Variants in ITK observed in about 807,000 individuals in gnomAD.
The protein encoded by ITK is IL2 inducible T cell kinase.
In ITK, 45 loss-of-function variants were observed where a neutral mutation model predicts 87.6. The ratio of observed to expected loss-of-function variants is 0.51; its 90% CI spans 0.40 to 0.66. The LOEUF is 0.66. Among genes scored for constraint, ITK ranks in the 30% least tolerant of loss-of-function variants. The pLI is 0.00. For missense variants in ITK, 605 were observed against 766.3 expected (o/e 0.79, Z 2.48); for synonymous variants, 303 against 273.6 (o/e 1.11, Z -1.06).
intron 7 of ITK, among the ~76,000 whole-genome samples, chr5:157,231,736 A>G (rs1754658902): frequency 6.6e-6 from 1 of 152,222 alleles, no homozygotes; most frequent in Non-Finnish European, 1.5e-5. Context: ...AAAATCATTT[A>G]TATTCTTCTT....
intron 1 of ITK, among the ~76,000 whole-genome samples, chr5:157,191,601 C>T (rs138167901): frequency 6.6e-6 from 1 of 152,292 alleles, no homozygotes; most frequent in Non-Finnish European, 1.5e-5. Context: ...TAATGCATGA[C>T]AATTTTATAT....
intron 15 of ITK, among the ~76,000 whole-genome samples, chr5:157,247,527 G>A (rs946278675): frequency 3.3e-5 from 5 of 152,194 alleles, no homozygotes; most frequent in African/African-American, 4.8e-5. Flanking sequence ...CTCTGAATGG[G>A]GTTTATTCAG....
At position 157,253,054 on chromosome 5, in the gene ITK, T is replaced by C. The variant is rs911822500; in HGVS notation, c.*376T>C. ...GCTATTTTTATTGTTATTTTTAACA[T>C]GAATCTAAAGTTTATGGTTCCAGGG... On this transcript the variant is annotated 3_prime_UTR_variant, in exon 17 of 17. Coordinates refer to ENST00000422843, the MANE Select transcript of ITK (RefSeq NM_005546.4). 1.3e-5 allele frequency: 5 copies of C among 380,934 alleles called. No homozygotes were observed. The highest frequency in any genetic ancestry group is 2.5e-5 in the Non-Finnish European group (5 of 200,956). 23.6% of individuals were successfully genotyped at this position (380,934 alleles called of 1,614,324 possible). A position where few individuals can be genotyped will look rare whatever the true frequency, so the allele number is the denominator to read the frequency against.
At chr5:157,227,668 CT>C (rs1274985851) in intron 6 of ITK, among the ~76,000 whole-genome samples, 1 of 151,970 alleles carries the variant, frequency 6.6e-6, no homozygotes, top group Non-Finnish European at 1.5e-5. Flanking sequence ...GAATATTAAT[CT>C]TTTTTTCCAG....
At chr5:157,182,486 G>T (rs150628892) in intron 1 of ITK, among the ~76,000 whole-genome samples, 4 of 152,198 alleles carry the variant, frequency 2.6e-5, no homozygotes, top group African/African-American at 9.6e-5. Context: ...GAAGTGAAAA[G>T]AATTGCTTGT....
intron 8 of ITK, among the ~76,000 whole-genome samples, chr5:157,233,963 A>ATTTT (rs869230073): frequency 1.8e-4 from 4 of 22,294 alleles, no homozygotes; most frequent in Non-Finnish European, 2.4e-4. Flanking sequence ...ATATATATAT[A>ATTTT]TTTTTTTTTT....
intron 11 of ITK, among the ~76,000 whole-genome samples, chr5:157,242,955 C>A (rs968481860): frequency 6.6e-6 from 1 of 152,216 alleles, no homozygotes; most frequent in Non-Finnish European, 1.5e-5. Context: ...AGGTACCAGA[C>A]CAAGCACTGG....
chr5:157,243,894 G>C (rs1324030084), intron 12 of ITK, 100 bp downstream of exon 12: 30 of 1,122,290 alleles, frequency 2.7e-5, no homozygotes, highest in Non-Finnish European at 3.9e-5. Flanking sequence ...ATCTCCCTGC[G>C]CAAACTCCCA....
intron 1 of ITK, among the ~76,000 whole-genome samples, chr5:157,202,081 TG>T (rs1301636762): frequency 6.6e-6 from 1 of 152,222 alleles, no homozygotes; most frequent in Non-Finnish European, 1.5e-5. Flanking sequence ...ATGCAGCATT[TG>T]GTTTTTAGTT....
intron 1 of ITK, among the ~76,000 whole-genome samples, chr5:157,184,371 C>T (rs1753600482): frequency 6.6e-6 from 1 of 152,150 alleles, no homozygotes; most frequent in Admixed American, 6.6e-5. Flanking sequence ...GAAAACTTAA[C>T]AATTAGCTAC....
intron 3 of ITK, 145 bp from the exon 4 acceptor site, chr5:157,214,046 T>C: frequency 2.6e-6 from 2 of 764,302 alleles, no homozygotes; most frequent in East Asian, 2.5e-5. Context: ...ATTTATGCGC[T>C]CAGATCAACC....
intron 1 of ITK, among the ~76,000 whole-genome samples, chr5:157,207,377 CTTTTTTTTTTTT>C (rs536290068): frequency 3.4e-5 from 2 of 59,126 alleles, no homozygotes; most frequent in Admixed American, 2.5e-4. Context: ...AGATACGTCT[CTTTTTTTTTTTT>C]TTTTTTTTTT....
intron 9 of ITK, 100 bp from the exon 10 acceptor site, chr5:157,239,962 G>A: frequency 3.4e-6 from 4 of 1,191,634 alleles, no homozygotes; most frequent in Admixed American, 3.9e-5. Context: ...CTTGTGAGAG[G>A]TTATAAGACA....
intron 8 of ITK, among the ~76,000 whole-genome samples, chr5:157,233,544 TC>T (rs1405972161): frequency 6.6e-6 from 1 of 152,136 alleles, no homozygotes; most frequent in Non-Finnish European, 1.5e-5. Flanking sequence ...GATTCCCAGG[TC>T]CCACCCCAGA....
At chr5:157,228,257 G>A in intron 6 of ITK, 39 bp from the exon 7 acceptor site, 1 of 1,217,370 alleles carries the variant, frequency 8.2e-7, no homozygotes, top group Non-Finnish European at 1.2e-6. Context: ...ATAAAACTTA[G>A]TTCTATGTAA....
At chr5:157,200,962 A>G (rs1205041363) in intron 1 of ITK, among the ~76,000 whole-genome samples, 1 of 152,232 alleles carries the variant, frequency 6.6e-6, no homozygotes. Context: ...AGTACAAAAA[A>G]AACTCATTAA....
At chr5:157,214,397 G>A in intron 4 of ITK, 78 bp downstream of exon 4, 4 of 1,188,242 alleles carry the variant, frequency 3.4e-6, no homozygotes, top group Non-Finnish European at 5.0e-6. Context: ...TAATCATTGA[G>A]GGTGTCAGGA....
intron 1 of ITK, among the ~76,000 whole-genome samples, chr5:157,182,635 G>T (rs955760692): frequency 6.6e-6 from 1 of 152,048 alleles, no homozygotes; most frequent in Non-Finnish European, 1.5e-5. Context: ...CTAATAAATC[G>T]CATGGCATTA....
At chr5:157,217,962 C>T in intron 5 of ITK, 55 bp downstream of exon 5, 9 of 1,476,056 alleles carry the variant, frequency 6.1e-6, no homozygotes, top group Non-Finnish European at 8.5e-6. Flanking sequence ...ACCTGATTGG[C>T]ATGTTCCTAT....
Sources: allele counts gnomAD v4.1 joint callset (sites outside exome capture counted in the v4.1 genomes callset), GRCh38; gene constraint gnomAD v4.1.1; transcripts MANE v1.5; gene names NCBI Gene and HGNC (gene_info 2026-07-23, HGNC 2026-07-21).